The following ZHX2 variants were observed in gnomAD, a reference collection of about 807,000 sequenced individuals.
ZHX2 encodes the protein zinc fingers and homeoboxes protein 2.
In ZHX2, 6 loss-of-function variants were observed where a neutral mutation model predicts 21.9. The observed-to-expected ratio is 0.27, with a 90% CI of 0.15 to 0.54. The LOEUF (loss-of-function observed/expected upper bound fraction) is 0.54, where lower values mean the gene tolerates loss of function less well. Ranked by LOEUF, ZHX2 falls within the 20% of genes least tolerant of loss-of-function variation. ZHX2 has a pLI of 0.95. For missense variants in ZHX2, 908 were observed against 1,090.7 expected, an observed-to-expected ratio of 0.83 and a Z score of 2.36; for synonymous variants, 434 against 437.1, an observed-to-expected ratio of 0.99 and a Z score of 0.09.
In ZHX2 at chr8:122,782,893, G is replaced by A. The variant is rs1817321208; in HGVS notation, c.-283+947G>A. Among the ~76,000 whole-genome samples the A allele has an allele frequency of 6.6e-6, 1 of 152,230 alleles. No homozygotes were observed. Among genetic ancestry groups the A allele is most frequent in the African/African-American group, 2.4e-5 (1 of 41,470 alleles). On this transcript the variant is annotated intron_variant, in intron 1 of 3. Coordinates refer to ENST00000314393, the MANE Select transcript of ZHX2 (RefSeq NM_014943.5). This position sits in a 1 kb window ranked among gnomAD's most constrained non-coding sequence, Gnocchi z 5.3. ...TCTTTGTTGGTGTTGCAGCTTCTTT[G>A]TGGCTTCCCCAGGACTTGTATCCTC...
chr8:122,901,656 C>T (rs988400761), intron 2 of ZHX2, among the ~76,000 whole-genome samples: 1 of 151,882 alleles, frequency 6.6e-6, no homozygotes, highest in African/African-American at 2.4e-5. Flanking sequence ...CTTGGCCAAT[C>T]CAGATCTCTC....
rs1346214650 is a variant in ZHX2, at chr8:122,973,806, CCT to C, written c.*570_*571del. On this transcript the variant is annotated 3_prime_UTR_variant, in exon 4 of 4. Transcript: ENST00000314393. Reference sequence around the variant, plus strand: ...GGCAGGAAGGGCTGAAATCCAGGCCCCTGTCTCAACTTGGAGAGAGGTGACAG... The same window carrying C: ...GGCAGGAAGGGCTGAAATCCAGGCCCGTCTCAACTTGGAGAGAGGTGACAG... 1 of 152,526 alleles carries C rather than the reference CCT, an allele frequency of 6.6e-6. No homozygotes were observed. Among genetic ancestry groups the C allele is most frequent in the Admixed American group, 6.5e-5 (1 of 15,278 alleles). The allele number at this position is 152,526 out of a possible 1,614,324, so 9.4% of individuals were successfully genotyped here.
intron 3 of ZHX2, among the ~76,000 whole-genome samples, chr8:122,956,171 C>T (rs1480839474): frequency 2.0e-5 from 3 of 152,102 alleles, no homozygotes; most frequent in African/African-American, 7.2e-5. Flanking sequence ...TGATCTTTTC[C>T]CATCCATGAC....
intron 2 of ZHX2, among the ~76,000 whole-genome samples, chr8:122,871,518 G>T (rs909212292): frequency 3.1e-5 from 4 of 126,986 alleles, no homozygotes; most frequent in Non-Finnish European, 3.2e-5. Context: ...TCACACACCG[G>T]GGCCTGTTGT....
intron 3 of ZHX2, among the ~76,000 whole-genome samples, chr8:122,971,270 C>A (rs577573014): frequency 6.7e-6 from 1 of 149,048 alleles, no homozygotes; most frequent in South Asian, 2.1e-4. Flanking sequence ...AGAGAAAGCA[C>A]TTTTCCTCCT....
chr8:122,836,919 G>A (rs1368249633), intron 1 of ZHX2, among the ~76,000 whole-genome samples: 1 of 152,182 alleles, frequency 6.6e-6, no homozygotes, highest in Non-Finnish European at 1.5e-5. Flanking sequence ...ACAGGATGAG[G>A]TAGGAGGTCC....
At chr8:122,934,511 A>G (rs1293110266) in intron 2 of ZHX2, among the ~76,000 whole-genome samples, 1 of 152,120 alleles carries the variant, frequency 6.6e-6, no homozygotes, top group African/African-American at 2.4e-5. Context: ...GGTTACCTCT[A>G]AAAGTCTTCC....
intron 1 of ZHX2, among the ~76,000 whole-genome samples, chr8:122,793,658 G>T (rs1442795601): frequency 6.6e-6 from 1 of 152,214 alleles, no homozygotes; most frequent in Non-Finnish European, 1.5e-5. Flanking sequence ...AATCAATTTT[G>T]AGAATTCTAG....
chr8:122,918,294 G>T (rs1820653410), intron 2 of ZHX2, among the ~76,000 whole-genome samples: 1 of 152,182 alleles, frequency 6.6e-6, no homozygotes, highest in South Asian at 2.1e-4. Flanking sequence ...TGTGTGCCAG[G>T]CACTGCAATA....
chr8:122,802,392 A>G (rs1459457275), intron 1 of ZHX2, among the ~76,000 whole-genome samples: 1 of 152,218 alleles, frequency 6.6e-6, no homozygotes, highest in Non-Finnish European at 1.5e-5. Flanking sequence ...AGCAGTCTGC[A>G]GCTGGGTTCA....
intron 2 of ZHX2, among the ~76,000 whole-genome samples, chr8:122,915,994 CAGACTCT>C (rs909529101): frequency 3.9e-5 from 6 of 152,200 alleles, no homozygotes; most frequent in Admixed American, 2.6e-4. Flanking sequence ...ACAGAGCCAG[CAGACTCT>C]AGTTCCCGGG....
chr8:122,805,628 G>T (rs1239938910), intron 1 of ZHX2, among the ~76,000 whole-genome samples: 1 of 152,044 alleles, frequency 6.6e-6, no homozygotes, highest in South Asian at 2.1e-4. Context: ...AGGTTTAAAA[G>T]TTCAAAATGA....
intron 1 of ZHX2, among the ~76,000 whole-genome samples, chr8:122,790,154 G>A (rs1817483662): frequency 6.6e-6 from 1 of 152,204 alleles, no homozygotes; most frequent in Admixed American, 6.5e-5. Flanking sequence ...TTGAGAGGAT[G>A]AGTCTAGTAG....
rs535915001 is a variant in ZHX2, at chr8:122,862,283, G to A, written c.-282-1194G>A. On this transcript the variant is annotated intron_variant, in intron 1 of 3. Coordinates refer to ENST00000314393, the MANE Select transcript of ZHX2 (RefSeq NM_014943.5). The stretch of plus-strand genomic sequence containing the variant: ...AAGGCAACACAGGCTTTGGAACCAC[G>A]TGAACGTGGCTTTGGATCAGCCCGA... Among the ~76,000 whole-genome samples, 60 of 152,338 alleles carry A rather than the reference G, an allele frequency of 3.9e-4. 1 individual carries two copies. Among genetic ancestry groups the A allele is most frequent in the African/African-American group, 1.4e-3 (59 of 41,570 alleles).
chr8:122,814,499 G>C (rs1817990979), intron 1 of ZHX2, among the ~76,000 whole-genome samples: 1 of 152,198 alleles, frequency 6.6e-6, no homozygotes, highest in Non-Finnish European at 1.5e-5. Context: ...AGGCCACCAA[G>C]ACTGCCAACT....
chr8:122,868,269 C>G (rs1037355387), intron 2 of ZHX2, among the ~76,000 whole-genome samples: 2 of 152,056 alleles, frequency 1.3e-5, no homozygotes, highest in African/African-American at 2.4e-5. Context: ...TTGTTAATAA[C>G]GGGTAAGAAG....
intron 3 of ZHX2, among the ~76,000 whole-genome samples, chr8:122,962,114 TTCTCACAGTCACAC>T (rs994953794): frequency 1.6e-4 from 24 of 152,166 alleles, no homozygotes; most frequent in African/African-American, 5.3e-4. Context: ...ACTCATCTCA[TTCTCACAGTCACAC>T]TCCAAACTAT....
chr8:122,855,894 G>C (rs1340180860), intron 1 of ZHX2, among the ~76,000 whole-genome samples: 1 of 152,160 alleles, frequency 6.6e-6, no homozygotes, highest in Non-Finnish European at 1.5e-5. Context: ...TGAATACTCA[G>C]ATTTTTGCTA....
chr8:122,882,075 T>A (rs1336032059), intron 2 of ZHX2, among the ~76,000 whole-genome samples: 10 of 152,154 alleles, frequency 6.6e-5, no homozygotes. Flanking sequence ...CTGCTTTAAG[T>A]ATAGTCCCTA....
Sources: allele counts gnomAD v4.1 joint callset (sites outside exome capture counted in the v4.1 genomes callset), GRCh38; gene constraint gnomAD v4.1.1; non-coding constraint Gnocchi (gnomAD v3.1); transcripts MANE v1.5; gene names NCBI Gene and HGNC (gene_info 2026-07-23, HGNC 2026-07-21).